Variants in GFPT1 observed in about 807,000 individuals in gnomAD.
GFPT1 encodes the protein glutamine--fructose-6-phosphate transaminase 1, also known as glutamine--fructose-6-phosphate aminotransferase [isomerizing] 1.
In GFPT1, 40 loss-of-function variants were observed where a neutral mutation model predicts 92.0. The ratio of observed to expected loss-of-function variants is 0.43; its 90% CI spans 0.34 to 0.57. The LOEUF (loss-of-function observed/expected upper bound fraction) is 0.57, where lower values mean the gene tolerates loss of function less well. Among genes scored for constraint, GFPT1 ranks in the 20% least tolerant of loss-of-function variants. The pLI is 0.02. For synonymous variants in GFPT1, 269 were observed against 280.6 expected, an observed-to-expected ratio of 0.96 and a Z score of 0.41; for missense variants, 448 against 869.1, an observed-to-expected ratio of 0.52 and a Z score of 6.09.
At chr2:69,370,845 A>G (rs1671728974) in intron 2 of GFPT1, among the ~76,000 whole-genome samples, 1 of 151,934 alleles carries the variant, frequency 6.6e-6, no homozygotes, top group African/African-American at 2.4e-5. Flanking sequence ...TTCTCAATAA[A>G]AGGGACATAG....
chr2:69,354,087 G>C (rs1574066176), intron 9 of GFPT1, among the ~76,000 whole-genome samples, 172 bp downstream of exon 9: 2 of 152,236 alleles, frequency 1.3e-5, no homozygotes, highest in South Asian at 4.2e-4. Context: ...GCCAAAAGCA[G>C]ACACGCAAAA....
intron 9 of GFPT1, among the ~76,000 whole-genome samples, 195 bp from the exon 10 acceptor site, chr2:69,350,378 G>C (rs1671175609): frequency 1.3e-5 from 2 of 152,092 alleles, no homozygotes; most frequent in African/African-American, 4.8e-5. Flanking sequence ...GTACAGTGAA[G>C]TAGCAACTAT....
At position 69,384,987 on chromosome 2, in the gene GFPT1, A is replaced by G. The variant is rs112172636; in HGVS notation, c.7+2078T>C. Among the ~76,000 whole-genome samples, 167 of 152,278 alleles carry G rather than the reference A, an allele frequency of 1.1e-3. 2 individuals carry two copies. Among genetic ancestry groups the G allele is most frequent in the African/African-American group, 3.9e-3 (161 of 41,574 alleles). ...TTATCTTTCAGAATTTACATTAGAG[A>G]GAAAATAAATTCTGAACCCTATCCC... On this transcript the variant is annotated intron_variant, in intron 1 of 19. Coordinates refer to ENST00000357308, the MANE Select transcript of GFPT1 (RefSeq NM_001244710.2).
intron 17 of GFPT1, among the ~76,000 whole-genome samples, chr2:69,328,698 A>C: frequency 1.7e-5 from 2 of 114,528 alleles, no homozygotes; most frequent in Admixed American, 9.1e-5. Context: ...TTTCTGGTTA[A>C]CCCTTTTTTT....
chr2:69,348,876 G>A (rs1001491627), intron 10 of GFPT1, among the ~76,000 whole-genome samples: 20 of 152,056 alleles, frequency 1.3e-4, no homozygotes, highest in Admixed American at 1.1e-3. Context: ...GTGCCTTACC[G>A]TAATCCCTAT....
chr2:69,376,721 T>A (rs1671881003), intron 1 of GFPT1, among the ~76,000 whole-genome samples: 1 of 152,138 alleles, frequency 6.6e-6, no homozygotes, highest in Non-Finnish European at 1.5e-5. Flanking sequence ...CTCTCTTTTT[T>A]AAGAAATCTA....
chr2:69,372,299 G>A (rs1051045364), intron 2 of GFPT1, among the ~76,000 whole-genome samples: 2 of 151,730 alleles, frequency 1.3e-5, no homozygotes, highest in Non-Finnish European at 2.9e-5. Context: ...GCTGGGTGCA[G>A]TGGCTCACGC....
intron 13 of GFPT1, among the ~76,000 whole-genome samples, chr2:69,341,146 C>T (rs986536968): frequency 1.6e-4 from 24 of 151,394 alleles, no homozygotes; most frequent in South Asian, 2.1e-4. Context: ...TTGGTAGAGA[C>T]GGGGTCTCGC....
intron 11 of GFPT1, 61 bp from the exon 12 acceptor site, chr2:69,346,060 C>A: frequency 2.1e-6 from 2 of 938,860 alleles, no homozygotes; most frequent in Non-Finnish European, 1.8e-6. Context: ...AATTTGTACA[C>A]AACTAAAAGT....
chr2:69,338,802 C>CTTTTTT (rs58220809), intron 13 of GFPT1, among the ~76,000 whole-genome samples: 3 of 131,796 alleles, frequency 2.3e-5, no homozygotes, highest in South Asian at 2.3e-4. Flanking sequence ...GTATACATTC[C>CTTTTTT]TTTTTTTTTT....
At chr2:69,355,153 C>A (rs111956734) in intron 7 of GFPT1, among the ~76,000 whole-genome samples, 16 of 152,200 alleles carry the variant, frequency 1.1e-4, no homozygotes, top group African/African-American at 3.6e-4. Flanking sequence ...TCACAGCTCA[C>A]TGCAGCCTTG....
intron 1 of GFPT1, among the ~76,000 whole-genome samples, chr2:69,380,107 G>A (rs989668261): frequency 5.3e-5 from 8 of 152,148 alleles, no homozygotes; most frequent in African/African-American, 1.7e-4. Context: ...GGAGGCTGAG[G>A]AGGGTGGATC....
At chr2:69,330,438 G>A (rs1281374823) in intron 15 of GFPT1, among the ~76,000 whole-genome samples, 2 of 151,662 alleles carry the variant, frequency 1.3e-5, no homozygotes, top group Non-Finnish European at 2.9e-5. Flanking sequence ...TTTGGTGTAA[G>A]TCAAAAGGCA....
chr2:69,353,804 A>G (rs13430064), intron 9 of GFPT1, among the ~76,000 whole-genome samples: 4 of 152,334 alleles, frequency 2.6e-5, no homozygotes, highest in African/African-American at 9.6e-5. Flanking sequence ...ACAAATTCAA[A>G]TAAAGCCAAT....
chr2:69,381,470 T>C (rs1213668686), intron 1 of GFPT1, among the ~76,000 whole-genome samples: 1 of 151,864 alleles, frequency 6.6e-6, no homozygotes, highest in Non-Finnish European at 1.5e-5. Flanking sequence ...TAACAATATA[T>C]AAATACTTCT....
intron 15 of GFPT1, among the ~76,000 whole-genome samples, chr2:69,332,607 TAGTA>T (rs1219584261): frequency 2.0e-5 from 3 of 152,116 alleles, no homozygotes; most frequent in Non-Finnish European, 4.4e-5. Context: ...GCCCGGCCTC[TAGTA>T]AGTCTTTCTT....
intron 1 of GFPT1, among the ~76,000 whole-genome samples, chr2:69,375,899 T>C (rs955889339): frequency 1.3e-5 from 2 of 152,230 alleles, no homozygotes; most frequent in African/African-American, 4.8e-5. Flanking sequence ...GGCACAGCAA[T>C]GTGCAGCTTC....
rs187922236 is a variant in GFPT1, at chr2:69,325,261, A to G, written c.*928T>C. ...AAATTCTTCCTCGTGACAAAGTTGA[A>G]GAGAATACTGAATATATCAATATTA... On this transcript the variant is annotated 3_prime_UTR_variant, in exon 20 of 20. Transcript: ENST00000357308. 1 of 152,328 alleles carries G rather than the reference A, an allele frequency of 6.6e-6. No individual in the cohort carries two copies. The highest frequency in any genetic ancestry group is 1.9e-4 in the East Asian group (1 of 5,192). 9.4% of individuals were successfully genotyped at this position (152,328 alleles called of 1,614,324 possible). A position where few individuals can be genotyped will look rare whatever the true frequency, so the allele number is the denominator to read the frequency against.
chr2:69,357,022 C>T (rs904203337), intron 6 of GFPT1, among the ~76,000 whole-genome samples: 2 of 152,146 alleles, frequency 1.3e-5, no homozygotes, highest in African/African-American at 4.8e-5. Flanking sequence ...TGAGCCACCA[C>T]GCGCAGCCAA....
Sources: allele counts gnomAD v4.1 joint callset (sites outside exome capture counted in the v4.1 genomes callset), GRCh38; gene constraint gnomAD v4.1.1; transcripts MANE v1.5; gene names NCBI Gene and HGNC (gene_info 2026-07-23, HGNC 2026-07-21).